NKAIN2: variants seen among roughly 807,000 people sequenced by gnomAD.
The protein encoded by NKAIN2 is sodium/potassium-transporting ATPase subunit beta-1-interacting protein 2.
Under a neutral mutation model 32.6 loss-of-function variants are expected in NKAIN2, and 14 were observed. The observed-to-expected ratio is 0.43, with a 90% CI of 0.28 to 0.67. NKAIN2 has a LOEUF of 0.67. Among genes scored for constraint, NKAIN2 ranks in the 30% least tolerant of loss-of-function variants. The pLI, the probability that NKAIN2 is intolerant of heterozygous loss-of-function variation, is 0.17. For missense variants in NKAIN2, 198 were observed against 258.3 expected (o/e 0.77, Z 1.60); for synonymous variants, 80 against 87.2 (o/e 0.92, Z 0.46).
At chr6:124,186,272 GAGAA>G (rs981373894) in intron 1 of NKAIN2, among the ~76,000 whole-genome samples, 9 of 151,940 alleles carry the variant, frequency 5.9e-5, no homozygotes, top group Admixed American at 2.0e-4. Flanking sequence ...AAAAGAAAAG[GAGAA>G]AGAAAGAGAG....
At chr6:123,929,006 C>T (rs9491003) in intron 1 of NKAIN2, among the ~76,000 whole-genome samples, 5 of 152,130 alleles carry the variant, frequency 3.3e-5, no homozygotes, top group East Asian at 1.9e-4. Flanking sequence ...TTAAAAAACT[C>T]CACACTACAT....
intron 3 of NKAIN2, among the ~76,000 whole-genome samples, chr6:124,629,283 C>T (rs1226602975): frequency 6.6e-6 from 1 of 152,108 alleles, no homozygotes; most frequent in Non-Finnish European, 1.5e-5. Context: ...GTCCTTCTTC[C>T]ACTTTCAGGT....
intron 1 of NKAIN2, among the ~76,000 whole-genome samples, chr6:124,227,256 A>G (rs1792168955): frequency 6.6e-6 from 1 of 152,056 alleles, no homozygotes; most frequent in Non-Finnish European, 1.5e-5. Context: ...ATTGACAGAC[A>G]TGTGGATTAT....
intron 2 of NKAIN2, among the ~76,000 whole-genome samples, chr6:124,299,723 C>G (rs1796221815): frequency 6.6e-6 from 1 of 152,002 alleles, no homozygotes; most frequent in Non-Finnish European, 1.5e-5. Flanking sequence ...TTCTATTATC[C>G]TATATTTTTC....
At chr6:123,868,829 AC>A (rs376728888) in intron 1 of NKAIN2, among the ~76,000 whole-genome samples, 8 of 152,326 alleles carry the variant, frequency 5.3e-5, no homozygotes, top group African/African-American at 1.9e-4. Context: ...ATATTAGGAA[AC>A]ATTAATATTG....
Position 124,786,687 on chromosome 6 carries a change from T to TA in NKAIN2, c.475-4642dup, listed in dbSNP as rs527787994. On this transcript the variant is annotated intron_variant, in intron 4 of 6. Transcript: ENST00000368417. ...AGATACATGAAGGTGAAAAGATAAA[T>TA]AAAAAAAAAATTATACTTAGCTCTG... 3.7e-4 allele frequency among the ~76,000 whole-genome samples: 56 copies of TA among 149,720 alleles called. 1 individual carries two copies. The highest frequency in any genetic ancestry group is 4.3e-4 in the Non-Finnish European group (29 of 67,206).
At position 124,074,242 on chromosome 6, in the gene NKAIN2, C is replaced by T. The variant is rs193125569; in HGVS notation, c.55-208763C>T. On this transcript the variant is annotated intron_variant, in intron 1 of 6. Coordinates refer to ENST00000368417, the MANE Select transcript of NKAIN2 (RefSeq NM_001040214.3). ...AGGGTTTTTTAAATTTAGAGCTGGTCACCCGACACCTTCTGCCTGGCATGT... is the reference window on the plus strand; with the variant it reads ...AGGGTTTTTTAAATTTAGAGCTGGTTACCCGACACCTTCTGCCTGGCATGT... 3.5e-3 allele frequency among the ~76,000 whole-genome samples: 530 copies of T among 152,234 alleles called. 1 individual carries two copies. The highest frequency in any genetic ancestry group is 6.4e-3 in the Non-Finnish European group (436 of 68,020).
intron 1 of NKAIN2, among the ~76,000 whole-genome samples, chr6:124,044,599 G>T (rs984839635): frequency 4.6e-5 from 7 of 152,064 alleles, no homozygotes; most frequent in Admixed American, 3.9e-4. Flanking sequence ...ATAGACTGTT[G>T]TGATTCAATG....
At chr6:124,199,577 C>T (rs908986282) in intron 1 of NKAIN2, among the ~76,000 whole-genome samples, 3 of 151,978 alleles carry the variant, frequency 2.0e-5, no homozygotes, top group Admixed American at 6.6e-5. Context: ...ACAGAAAGCT[C>T]GGTTCTTATT....
At chr6:124,320,164 C>T (rs1797115297) in intron 2 of NKAIN2, among the ~76,000 whole-genome samples, 1 of 152,090 alleles carries the variant, frequency 6.6e-6, no homozygotes, top group African/African-American at 2.4e-5. Flanking sequence ...ACTGTCTTGA[C>T]ATTTGGATAT....
At chr6:124,179,594 G>A (rs9398750) in intron 1 of NKAIN2, among the ~76,000 whole-genome samples, 27,892 of 152,158 alleles carry the variant, frequency 0.18, 2,702 homozygotes, top group East Asian at 0.28. Flanking sequence ...CAGAAAGGCA[G>A]TGAGCAGACA....
At chr6:124,373,772 C>A (rs1300164203) in intron 3 of NKAIN2, among the ~76,000 whole-genome samples, 1 of 152,004 alleles carries the variant, frequency 6.6e-6, no homozygotes, top group African/African-American at 2.4e-5. Context: ...TTAAGTATGG[C>A]AAAGAGAAAG....
At chr6:124,129,177 T>C (rs1217292813) in intron 1 of NKAIN2, among the ~76,000 whole-genome samples, 1 of 152,218 alleles carries the variant, frequency 6.6e-6, no homozygotes, top group African/African-American at 2.4e-5. Context: ...ATTATTTGTG[T>C]TTTTGTATGT....
At chr6:124,680,933 T>G (rs1773592623) in intron 4 of NKAIN2, among the ~76,000 whole-genome samples, 2 of 151,952 alleles carry the variant, frequency 1.3e-5, no homozygotes, top group Admixed American at 6.6e-5. Flanking sequence ...AGTACTTTTC[T>G]TAATATATAA....
intron 1 of NKAIN2, among the ~76,000 whole-genome samples, chr6:123,921,911 A>C (rs750813880): frequency 9.9e-5 from 15 of 151,996 alleles, no homozygotes; most frequent in Non-Finnish European, 1.8e-4. Context: ...AGCCCGGGCA[A>C]CAGAGTGAGA....
At chr6:124,361,617 C>G (rs1039614022) in intron 3 of NKAIN2, among the ~76,000 whole-genome samples, 1 of 152,048 alleles carries the variant, frequency 6.6e-6, no homozygotes, top group Non-Finnish European at 1.5e-5. Flanking sequence ...AGAAAGCTGT[C>G]ATATTTTAAT....
At chr6:124,560,174 G>A (rs1179519078) in intron 3 of NKAIN2, among the ~76,000 whole-genome samples, 3 of 152,098 alleles carry the variant, frequency 2.0e-5, no homozygotes, top group Non-Finnish European at 2.9e-5. Context: ...TCTCATGGAG[G>A]AACCAGGTGG....
chr6:123,996,946 T>C (rs554210322), intron 1 of NKAIN2, among the ~76,000 whole-genome samples: 2 of 152,336 alleles, frequency 1.3e-5, no homozygotes, highest in African/African-American at 4.8e-5. Flanking sequence ...GTGAATACTT[T>C]TTGATATCAT....
At chr6:124,735,398 T>A (rs1324042223) in intron 4 of NKAIN2, among the ~76,000 whole-genome samples, 1 of 151,958 alleles carries the variant, frequency 6.6e-6, no homozygotes, top group Non-Finnish European at 1.5e-5. Flanking sequence ...CTGCAAAGAT[T>A]TTGAGCACAG....
Sources: allele counts gnomAD v4.1 joint callset (sites outside exome capture counted in the v4.1 genomes callset), GRCh38; gene constraint gnomAD v4.1.1; transcripts MANE v1.5; gene names NCBI Gene and HGNC (gene_info 2026-07-23, HGNC 2026-07-21).